Variants in DIP2B observed in about 807,000 individuals in gnomAD.
DIP2B encodes the protein disco-interacting protein 2 homolog B.
DIP2B carries 76 observed loss-of-function variants against 198.0 expected under a neutral mutation model. That is an observed-to-expected ratio of 0.38 (90% confidence interval 0.32 to 0.46). The LOEUF (loss-of-function observed/expected upper bound fraction) is 0.46, where lower values mean the gene tolerates loss of function less well. DIP2B is among the 20% of genes least tolerant of loss of function. The pLI, the probability that DIP2B is intolerant of heterozygous loss-of-function variation, is 0.99. For missense variants in DIP2B, 1,559 were observed against 1,978.4 expected, an observed-to-expected ratio of 0.79 and a Z score of 4.02; for synonymous variants, 701 against 739.1, an observed-to-expected ratio of 0.95 and a Z score of 0.84.
At chr12:50,570,285 G>A (rs567501680) in intron 1 of DIP2B, among the ~76,000 whole-genome samples, 44 of 152,212 alleles carry the variant, frequency 2.9e-4, no homozygotes, top group African/African-American at 1.1e-3. Context: ...ATATGTATGT[G>A]TGTATATATG....
At chr12:50,740,678 A>G (rs1244620201) in intron 36 of DIP2B, among the ~76,000 whole-genome samples, 2 of 152,180 alleles carry the variant, frequency 1.3e-5, no homozygotes, top group Non-Finnish European at 1.5e-5. Context: ...TTTTTCCAGA[A>G]ATTACTGCAA....
chr12:50,643,857 G>C (rs1173304773), intron 3 of DIP2B, among the ~76,000 whole-genome samples: 2 of 152,096 alleles, frequency 1.3e-5, no homozygotes, highest in Non-Finnish European at 2.9e-5. Context: ...CCTTATATCT[G>C]TTTGCTACGC....
intron 1 of DIP2B, among the ~76,000 whole-genome samples, chr12:50,554,698 T>C (rs1958454449): frequency 6.6e-6 from 1 of 152,200 alleles, no homozygotes; most frequent in African/African-American, 2.4e-5. Flanking sequence ...CTCGTGTCTT[T>C]ACCTTTTTGA....
At chr12:50,672,397 T>C (rs1268259676) in intron 5 of DIP2B, among the ~76,000 whole-genome samples, 1 of 152,174 alleles carries the variant, frequency 6.6e-6, no homozygotes, top group African/African-American at 2.4e-5. Flanking sequence ...CTACAAAGAT[T>C]TGCGTATTCA....
chr12:50,529,512 G>A (rs1390912130), intron 1 of DIP2B, among the ~76,000 whole-genome samples: 3 of 152,200 alleles, frequency 2.0e-5, no homozygotes, highest in African/African-American at 7.2e-5. Context: ...TTGAGGAACT[G>A]TGATGATTTA....
chr12:50,652,710 A>G (rs1473020466), intron 3 of DIP2B, among the ~76,000 whole-genome samples: 1 of 152,168 alleles, frequency 6.6e-6, no homozygotes, highest in African/African-American at 2.4e-5. Flanking sequence ...AATGCTTTGG[A>G]CAGTAACGAC....
At chr12:50,629,589 C>T (rs767959587) in intron 2 of DIP2B, among the ~76,000 whole-genome samples, 2 of 152,142 alleles carry the variant, frequency 1.3e-5, no homozygotes, top group Non-Finnish European at 2.9e-5. Flanking sequence ...TATCTTCAAC[C>T]CGATCTCTTC....
chr12:50,599,911 A>G (rs538559471), intron 1 of DIP2B, among the ~76,000 whole-genome samples: 63 of 152,300 alleles, frequency 4.1e-4, no homozygotes, highest in Non-Finnish European at 7.2e-4. Context: ...TTTCCTGATC[A>G]TGTAATTTAT....
At chr12:50,508,639 A>G (rs996117435) in intron 1 of DIP2B, among the ~76,000 whole-genome samples, 6 of 152,048 alleles carry the variant, frequency 3.9e-5, no homozygotes, top group Non-Finnish European at 8.8e-5. Flanking sequence ...TGACGATGAC[A>G]TTGGAATGAT....
At chr12:50,553,093 C>G in intron 1 of DIP2B, among the ~76,000 whole-genome samples, 1 of 152,178 alleles carries the variant, frequency 6.6e-6, no homozygotes, top group Non-Finnish European at 1.5e-5. Flanking sequence ...ACCTCGGCCT[C>G]CCAAAGTGCT....
chr12:50,527,202 T>G (rs1211560827), intron 1 of DIP2B, among the ~76,000 whole-genome samples: 1 of 152,236 alleles, frequency 6.6e-6, no homozygotes, highest in African/African-American at 2.4e-5. Context: ...TTGGTTTTGT[T>G]GAACCAAGTC....
At chr12:50,622,012 T>G (rs998628166) in intron 1 of DIP2B, among the ~76,000 whole-genome samples, 1 of 152,216 alleles carries the variant, frequency 6.6e-6, no homozygotes, top group African/African-American at 2.4e-5. Context: ...TGACATTGCC[T>G]GACTGAGACT....
chr12:50,619,522 C>T lies in DIP2B; in HGVS notation c.101-6454C>T, dbSNP rs925768764. Among the ~76,000 whole-genome samples the T allele has an allele frequency of 3.9e-5, 6 of 152,306 alleles. No individual in the cohort carries two copies. In the South Asian group the frequency reaches 8.3e-4, roughly 21 times the overall value. ...TACTCAGGCCAAGATCGTGATGCTT[C>T]CTTCTGGGTTCCAGAAGGTGCTGCA... On this transcript the variant is annotated intron_variant, in intron 1 of 37. Coordinates refer to ENST00000301180, the MANE Select transcript of DIP2B (RefSeq NM_173602.3).
chr12:50,513,727 AGCCGGGCATGGT>A (rs1251651425), intron 1 of DIP2B, among the ~76,000 whole-genome samples: 1 of 151,912 alleles, frequency 6.6e-6, no homozygotes, highest in Non-Finnish European at 1.5e-5. Context: ...TACACAAACT[AGCCGGGCATGGT>A]GGCAGGCGCC....
chr12:50,635,520 A>C lies in DIP2B; in HGVS notation c.173-5204A>C, dbSNP rs544256796. 5.5e-3 allele frequency among the ~76,000 whole-genome samples: 835 copies of C among 152,286 alleles called. 5 individuals carry two copies. The highest frequency in any genetic ancestry group is 7.7e-3 in the Non-Finnish European group (522 of 68,026). On this transcript the variant is annotated intron_variant, in intron 2 of 37. Transcript: ENST00000301180. ...ATTGCTGCTTGCTGTGCTGAGTGGC[A>C]GTCCCCGGTGTTCCAGTTCCTATAA...
intron 1 of DIP2B, among the ~76,000 whole-genome samples, chr12:50,541,083 TAG>T (rs1262334288): frequency 2.0e-5 from 3 of 152,166 alleles, no homozygotes; most frequent in Non-Finnish European, 4.4e-5. Context: ...TTGGAGAATA[TAG>T]AAAAAGCTAA....
chr12:50,731,647 A>C, intron 31 of DIP2B, 110 bp downstream of exon 31: 1 of 1,321,060 alleles, frequency 7.6e-7, no homozygotes, highest in Non-Finnish European at 1.0e-6. Context: ...TGCCTTTTTC[A>C]AGTCACTCAG....
At chr12:50,696,924 A>C in intron 16 of DIP2B, 137 bp from the exon 17 acceptor site, 1 of 633,850 alleles carries the variant, frequency 1.6e-6, no homozygotes, top group Non-Finnish European at 2.7e-6. Flanking sequence ...GGACAGTAAA[A>C]TATTTGCGTG....
At chr12:50,633,367 T>C (rs1481827754) in intron 2 of DIP2B, 1 of 152,260 alleles carries the variant, frequency 6.6e-6, no homozygotes, top group Non-Finnish European at 1.5e-5. Context: ...ATGATGCGTT[T>C]CATCTTTTTA....
Sources: allele counts gnomAD v4.1 joint callset (sites outside exome capture counted in the v4.1 genomes callset), GRCh38; gene constraint gnomAD v4.1.1; transcripts MANE v1.5; gene names NCBI Gene and HGNC (gene_info 2026-07-23, HGNC 2026-07-21).